GALNTL6: variants seen among roughly 807,000 people sequenced by gnomAD.
The protein encoded by GALNTL6 is polypeptide N-acetylgalactosaminyltransferase-like 6.
GALNTL6 carries 46 observed loss-of-function variants against 73.7 expected under a neutral mutation model. The ratio of observed to expected loss-of-function variants is 0.62; its 90% CI spans 0.49 to 0.80. The LOEUF is 0.80. GALNTL6 is among the 30% of genes least tolerant of loss of function. GALNTL6 has a pLI of 0.00. For missense variants in GALNTL6, 604 were observed against 755.0 expected, an observed-to-expected ratio of 0.80 and a Z score of 2.34; for synonymous variants, 259 against 263.7, an observed-to-expected ratio of 0.98 and a Z score of 0.17.
At chr4:173,006,352 T>TC (rs1440087297) in intron 10 of GALNTL6, among the ~76,000 whole-genome samples, 9 of 152,194 alleles carry the variant, frequency 5.9e-5, no homozygotes, top group African/African-American at 2.2e-4. Flanking sequence ...TGCTCAGAGT[T>TC]CTGTCAGGTA....
chr4:171,910,294 G>A (rs1737435534), intron 2 of GALNTL6, among the ~76,000 whole-genome samples: 1 of 151,830 alleles, frequency 6.6e-6, no homozygotes, highest in Admixed American at 6.6e-5. Context: ...ATTTTTCAAT[G>A]TTTTGAAAGT....
intron 7 of GALNTL6, among the ~76,000 whole-genome samples, chr4:172,863,117 G>A (rs1271654587): frequency 6.6e-6 from 1 of 152,224 alleles, no homozygotes; most frequent in Non-Finnish European, 1.5e-5. Flanking sequence ...AGGGTGTATG[G>A]AAATGCCTGG....
intron 7 of GALNTL6, among the ~76,000 whole-genome samples, chr4:172,856,481 T>C (rs913419214): frequency 6.6e-6 from 1 of 152,170 alleles, no homozygotes; most frequent in East Asian, 1.9e-4. Context: ...TAAAAGGAAG[T>C]AAGAAAAGAC....
At chr4:172,364,458 C>G (rs1742486003) in intron 5 of GALNTL6, among the ~76,000 whole-genome samples, 1 of 152,014 alleles carries the variant, frequency 6.6e-6, no homozygotes, top group Non-Finnish European at 1.5e-5. Flanking sequence ...AGCATCAGAA[C>G]CTATCTAGCA....
At chr4:172,069,522 G>GTATGAAACATATATGTTATA (rs1731461334) in intron 2 of GALNTL6, among the ~76,000 whole-genome samples, 1 of 56,032 alleles carries the variant, frequency 1.8e-5, no homozygotes, top group Non-Finnish European at 3.3e-5. Flanking sequence ...TATGTTATAT[G>GTATGAAACATATATGTTATA]TATAACACAT....
intron 5 of GALNTL6, among the ~76,000 whole-genome samples, chr4:172,628,114 C>T (rs1464876533): frequency 6.6e-6 from 1 of 152,114 alleles, no homozygotes; most frequent in African/African-American, 2.4e-5. Flanking sequence ...CATGCACCCT[C>T]ATCACTCTAT....
chr4:172,778,550 C>T (rs1278783092), intron 5 of GALNTL6, among the ~76,000 whole-genome samples: 1 of 152,148 alleles, frequency 6.6e-6, no homozygotes, highest in Admixed American at 6.5e-5. Context: ...GAGAAGCAGA[C>T]CCCACAAAGA....
chr4:172,763,946 C>T (rs6856125), intron 5 of GALNTL6, among the ~76,000 whole-genome samples: 67 of 140,934 alleles, frequency 4.8e-4, no homozygotes, highest in African/African-American at 1.7e-3. Context: ...AGAGCAATTT[C>T]AAACAAGGTG....
intron 2 of GALNTL6, among the ~76,000 whole-genome samples, chr4:171,884,850 G>A (rs1052272953): frequency 1.3e-5 from 2 of 152,068 alleles, no homozygotes; most frequent in Non-Finnish European, 2.9e-5. Context: ...GAGGTCAGGA[G>A]TTCAAGACCA....
At chr4:172,693,380 G>A (rs1579348209) in intron 5 of GALNTL6, among the ~76,000 whole-genome samples, 3 of 152,034 alleles carry the variant, frequency 2.0e-5, no homozygotes, top group Admixed American at 2.0e-4. Context: ...TACCCCCATT[G>A]CCCCAGCCAC....
intron 9 of GALNTL6, among the ~76,000 whole-genome samples, chr4:172,940,985 T>A (rs896483049): frequency 6.6e-6 from 1 of 152,220 alleles, no homozygotes; most frequent in African/African-American, 2.4e-5. Context: ...CTCAAAACTA[T>A]TTTTTAAATT....
chr4:172,537,221 A>C, intron 5 of GALNTL6, among the ~76,000 whole-genome samples: 1 of 152,176 alleles, frequency 6.6e-6, no homozygotes, highest in East Asian at 1.9e-4. Context: ...TGAGGACATG[A>C]GATTTCGGAG....
intron 5 of GALNTL6, among the ~76,000 whole-genome samples, chr4:172,688,498 G>A (rs1053570855): frequency 6.6e-6 from 1 of 152,304 alleles, no homozygotes; most frequent in Non-Finnish European, 1.5e-5. Context: ...CACTTAAAGA[G>A]CTAAAAATTC....
At chr4:172,375,322 C>G (rs1303285508) in intron 5 of GALNTL6, among the ~76,000 whole-genome samples, 1 of 152,116 alleles carries the variant, frequency 6.6e-6, no homozygotes, top group Non-Finnish European at 1.5e-5. Flanking sequence ...CCATTTTTCC[C>G]CATCAGAGAG....
chr4:172,714,903 A>G (rs1734969770), intron 5 of GALNTL6, among the ~76,000 whole-genome samples: 1 of 152,174 alleles, frequency 6.6e-6, no homozygotes, highest in Admixed American at 6.5e-5. Context: ...TTGTGCATTT[A>G]AAGGACTTGA....
chr4:172,149,018 G>C (rs1291649899), intron 2 of GALNTL6, among the ~76,000 whole-genome samples: 1 of 152,146 alleles, frequency 6.6e-6, no homozygotes, highest in Non-Finnish European at 1.5e-5. Context: ...AACAGCTCAT[G>C]TATCAAGTTT....
At chr4:172,025,310 G>A (rs937882199) in intron 2 of GALNTL6, among the ~76,000 whole-genome samples, 2 of 151,768 alleles carry the variant, frequency 1.3e-5, no homozygotes, top group Admixed American at 6.6e-5. Context: ...CAACAAGTAC[G>A]GCACCTCGCA....
intron 5 of GALNTL6, among the ~76,000 whole-genome samples, chr4:172,618,605 G>A (rs1301772293): frequency 6.6e-6 from 1 of 152,150 alleles, no homozygotes; most frequent in African/African-American, 2.4e-5. Flanking sequence ...AGATATAAGA[G>A]TCTTAGAAAT....
At chr4:172,664,730 C>G (rs1445442665) in intron 5 of GALNTL6, among the ~76,000 whole-genome samples, 2 of 152,198 alleles carry the variant, frequency 1.3e-5, no homozygotes, top group Non-Finnish European at 2.9e-5. Flanking sequence ...CCAAACTAGA[C>G]TCTCTTTCTT....
Sources: allele counts gnomAD v4.1 joint callset (sites outside exome capture counted in the v4.1 genomes callset), GRCh38; gene constraint gnomAD v4.1.1; transcripts MANE v1.5; gene names NCBI Gene and HGNC (gene_info 2026-07-23, HGNC 2026-07-21).